TAFA4: variants seen among roughly 807,000 people sequenced by gnomAD.
The protein encoded by TAFA4 is TAFA chemokine like family member 4.
A neutral mutation model predicts 21.1 loss-of-function variants in TAFA4; 20 were observed. The ratio of observed to expected loss-of-function variants is 0.95; its 90% confidence interval spans 0.67 to 1.38. The LOEUF is 1.38. Ranked by LOEUF, TAFA4 falls within the 40% of genes most tolerant of loss-of-function variation. TAFA4 has a pLI of 0.00. For synonymous variants in TAFA4, 71 were observed against 67.4 expected (o/e 1.05, Z -0.26); for missense variants, 211 against 180.9 (o/e 1.17, Z -0.95).
chr3:68,888,034 T>G (rs115376773), intron 1 of TAFA4, among the ~76,000 whole-genome samples: 2,558 of 152,192 alleles, frequency 0.017, 66 homozygotes, highest in African/African-American at 0.059. Context: ...AAATTCTGCC[T>G]TTAACTAATT....
At chr3:68,872,566 A>G (rs1397747166) in intron 3 of TAFA4, among the ~76,000 whole-genome samples, 1 of 152,190 alleles carries the variant, frequency 6.6e-6, no homozygotes, top group African/African-American at 2.4e-5. Context: ...AATATTCCCA[A>G]CATAAAGAAA....
Position 68,732,620 on chromosome 3 carries a change from CT to C in TAFA4, c.*521del, listed in dbSNP as rs1224445906. 1.3e-5 allele frequency: 2 copies of C among 152,928 alleles called. No individual in the cohort carries two copies. 9.5% of individuals were successfully genotyped at this position (152,928 alleles called of 1,614,324 possible). On this transcript the variant is annotated 3_prime_UTR_variant, in exon 6 of 6. Coordinates refer to ENST00000295569, the MANE Select transcript of TAFA4 (RefSeq NM_182522.5). ...CTTCAAGGGTTATAAAATAAACGTT[CT>C]TTACCAGTTAATCAGTTGATCTCTA...
intron 1 of TAFA4, among the ~76,000 whole-genome samples, chr3:68,893,287 A>G (rs539624014): frequency 6.6e-5 from 10 of 152,212 alleles, no homozygotes; most frequent in Non-Finnish European, 1.3e-4. Context: ...ATATTTGTAA[A>G]CATTAAATAA....
intron 3 of TAFA4, among the ~76,000 whole-genome samples, chr3:68,787,894 T>C (rs1703290008): frequency 6.6e-6 from 1 of 152,174 alleles, no homozygotes. Flanking sequence ...AGGTGTTTCA[T>C]TTGGGTCAAG....
intron 3 of TAFA4, among the ~76,000 whole-genome samples, chr3:68,754,144 G>A (rs117885905): frequency 6.6e-6 from 1 of 152,256 alleles, no homozygotes; most frequent in East Asian, 1.9e-4. Context: ...CTACTTCACT[G>A]TGTATTTTCT....
intron 3 of TAFA4, among the ~76,000 whole-genome samples, chr3:68,764,829 G>A (rs1575599923): frequency 6.6e-6 from 1 of 152,266 alleles, no homozygotes; most frequent in East Asian, 1.9e-4. Flanking sequence ...TTCTGAGAGA[G>A]CATAGTTGCA....
At chr3:68,856,478 A>G (rs1487666112) in intron 3 of TAFA4, among the ~76,000 whole-genome samples, 1 of 152,078 alleles carries the variant, frequency 6.6e-6, no homozygotes, top group Non-Finnish European at 1.5e-5. Context: ...CTCTTAGAAA[A>G]GACTTCCAGA....
At chr3:68,763,893 C>CACACACACACACACACACAT (rs1375088690) in intron 3 of TAFA4, among the ~76,000 whole-genome samples, 4 of 151,730 alleles carry the variant, frequency 2.6e-5, no homozygotes, top group Admixed American at 6.6e-5. Context: ...CACACACACA[C>CACACACACACACACACACAT]ATAAGTATGC....
intron 3 of TAFA4, among the ~76,000 whole-genome samples, chr3:68,810,304 G>A (rs1037182565): frequency 6.6e-6 from 1 of 152,148 alleles, no homozygotes; most frequent in Non-Finnish European, 1.5e-5. Context: ...TCATCTCACT[G>A]GGGAGTGTCG....
At chr3:68,775,740 T>C (rs1470522522) in intron 3 of TAFA4, among the ~76,000 whole-genome samples, 2 of 152,178 alleles carry the variant, frequency 1.3e-5, no homozygotes, top group South Asian at 2.1e-4. Context: ...ACCCGGGCAA[T>C]GATAGCAACA....
At chr3:68,868,931 A>G (rs1309458112) in intron 3 of TAFA4, among the ~76,000 whole-genome samples, 5 of 151,964 alleles carry the variant, frequency 3.3e-5, no homozygotes, top group Non-Finnish European at 7.4e-5. Flanking sequence ...AAGATTAACA[A>G]AAAGTTGTTT....
intron 3 of TAFA4, among the ~76,000 whole-genome samples, chr3:68,842,555 C>A (rs139412558): frequency 3.5e-4 from 53 of 152,192 alleles, no homozygotes; most frequent in Non-Finnish European, 4.7e-4. Flanking sequence ...TATTTAGATC[C>A]GATTTGTCAA....
chr3:68,881,370 C>T (rs1481514712), intron 2 of TAFA4, among the ~76,000 whole-genome samples: 2 of 152,096 alleles, frequency 1.3e-5, no homozygotes, highest in Non-Finnish European at 2.9e-5. Context: ...TGGGCAAATA[C>T]AGGTGAATAT....
intron 4 of TAFA4, among the ~76,000 whole-genome samples, chr3:68,750,401 C>A (rs1275743878): frequency 6.6e-6 from 1 of 152,208 alleles, no homozygotes; most frequent in Non-Finnish European, 1.5e-5. Context: ...TGTACCAGCA[C>A]ACAAAGATTT....
At chr3:68,919,982 T>C (rs1042934748) in intron 1 of TAFA4, among the ~76,000 whole-genome samples, 3 of 152,196 alleles carry the variant, frequency 2.0e-5, no homozygotes, top group African/African-American at 4.8e-5. Context: ...ACCAAGAGAT[T>C]GTAATTATGA....
At chr3:68,765,923 A>G (rs1702845140) in intron 3 of TAFA4, among the ~76,000 whole-genome samples, 1 of 152,194 alleles carries the variant, frequency 6.6e-6, no homozygotes, top group South Asian at 2.1e-4. Flanking sequence ...TAAGCTGACC[A>G]TCAGTGTACT....
intron 3 of TAFA4, among the ~76,000 whole-genome samples, chr3:68,787,159 T>C (rs1209986449): frequency 6.6e-6 from 1 of 152,176 alleles, no homozygotes; most frequent in Non-Finnish European, 1.5e-5. Flanking sequence ...ATATGTCCCC[T>C]CCATGCTGAG....
At chr3:68,790,006 A>AT (rs2106811260) in intron 3 of TAFA4, among the ~76,000 whole-genome samples, 1 of 152,364 alleles carries the variant, frequency 6.6e-6, no homozygotes, top group South Asian at 2.1e-4. Flanking sequence ...AACAACAAAA[A>AT]TTGTTAATAT....
At chr3:68,915,860 C>T (rs2089999574) in intron 1 of TAFA4, among the ~76,000 whole-genome samples, 1 of 152,170 alleles carries the variant, frequency 6.6e-6, no homozygotes, top group Non-Finnish European at 1.5e-5. Context: ...ACTTAAGATA[C>T]ATATGAAGTG....
Sources: gnomAD v4.1 joint callset for allele counts (sites outside exome capture counted in the v4.1 genomes callset) on GRCh38, gnomAD v4.1.1 for gene constraint, MANE v1.5 for transcripts, NCBI Gene and HGNC (gene_info 2026-07-23, HGNC 2026-07-21) for gene names.